The following VEZT variants were observed in gnomAD, a reference collection of about 807,000 sequenced individuals.
VEZT encodes the protein vezatin, adherens junctions transmembrane protein.
A neutral mutation model predicts 79.9 loss-of-function variants in VEZT; 39 were observed. That is an observed-to-expected ratio of 0.49 (90% CI 0.38 to 0.64). The LOEUF (loss-of-function observed/expected upper bound fraction) is 0.64, where lower values mean the gene tolerates loss of function less well. Ranked by LOEUF, VEZT falls within the 30% of genes least tolerant of loss-of-function variation. The probability of loss-of-function intolerance (pLI) is 0.00; values close to 1 mark genes in which losing one functional copy is unlikely to be tolerated. For synonymous variants in VEZT, 325 were observed against 327.6 expected, an observed-to-expected ratio of 0.99 and a Z score of 0.09; for missense variants, 837 against 893.1, an observed-to-expected ratio of 0.94 and a Z score of 0.80.
intron 11 of VEZT, among the ~76,000 whole-genome samples, chr12:95,298,119 C>CAA (rs1434646136): frequency 6.7e-6 from 1 of 149,672 alleles, no homozygotes; most frequent in Non-Finnish European, 1.5e-5. Context: ...GACTCTCTCT[C>CAA]AAAAAATAAT....
intron 1 of VEZT, among the ~76,000 whole-genome samples, chr12:95,221,882 A>T (rs547762794): frequency 3.5e-4 from 54 of 152,224 alleles, no homozygotes; most frequent in South Asian, 1.0e-3. Context: ...TAATACAAAT[A>T]AAAAAACTAT....
chr12:95,297,617 G>A (rs1189162727), intron 11 of VEZT, among the ~76,000 whole-genome samples: 1 of 152,040 alleles, frequency 6.6e-6, no homozygotes, highest in Non-Finnish European at 1.5e-5. Context: ...CTCCAACACT[G>A]CATTGATGAT....
chr12:95,267,222 T>G (rs1278675345), intron 5 of VEZT, among the ~76,000 whole-genome samples: 1 of 152,176 alleles, frequency 6.6e-6, no homozygotes, highest in African/African-American at 2.4e-5. Context: ...AAAGGGAAAG[T>G]TACATTTATT....
At chr12:95,274,520 A>C (rs1291493710) in intron 6 of VEZT, among the ~76,000 whole-genome samples, 2 of 152,148 alleles carry the variant, frequency 1.3e-5, no homozygotes, top group Non-Finnish European at 2.9e-5. Context: ...TTGAACTGTT[A>C]ATTTTTTAGA....
chr12:95,240,071 AG>A, intron 1 of VEZT, among the ~76,000 whole-genome samples: 1 of 82,614 alleles, frequency 1.2e-5, no homozygotes, highest in Non-Finnish European at 2.9e-5. Flanking sequence ...GAAGGAAGGA[AG>A]GAAGAAAAGA....
At chr12:95,276,610 T>C (rs1160693417) in intron 7 of VEZT, among the ~76,000 whole-genome samples, 1 of 152,150 alleles carries the variant, frequency 6.6e-6, no homozygotes, top group Non-Finnish European at 1.5e-5. Flanking sequence ...ATGTCTTAAG[T>C]TCCTACTAAG....
intron 1 of VEZT, among the ~76,000 whole-genome samples, chr12:95,219,789 C>A (rs929858355): frequency 1.3e-5 from 2 of 152,212 alleles, no homozygotes; most frequent in African/African-American, 4.8e-5. Context: ...TCCTCAACAA[C>A]AGCCTTAACA....
intron 11 of VEZT, among the ~76,000 whole-genome samples, chr12:95,297,882 G>T (rs1052545822): frequency 6.6e-6 from 1 of 152,130 alleles, no homozygotes; most frequent in Admixed American, 6.5e-5. Flanking sequence ...CACTTTGGGA[G>T]GCCAAGGCAG....
intron 1 of VEZT, among the ~76,000 whole-genome samples, chr12:95,241,867 C>T (rs2061069004): frequency 6.6e-6 from 1 of 152,052 alleles, no homozygotes; most frequent in South Asian, 2.1e-4. Flanking sequence ...TTCAAATTGA[C>T]AGGTAAGTAG....
At chr12:95,230,504 A>C (rs2059123398) in intron 1 of VEZT, among the ~76,000 whole-genome samples, 1 of 149,838 alleles carries the variant, frequency 6.7e-6, no homozygotes, top group African/African-American at 2.5e-5. Flanking sequence ...TGCAGCCTTG[A>C]ACTCCTAGGC....
chr12:95,259,858 A>C (rs1246857150), intron 3 of VEZT, among the ~76,000 whole-genome samples: 2 of 152,196 alleles, frequency 1.3e-5, no homozygotes, highest in South Asian at 2.1e-4. Context: ...TGTTTTCTGC[A>C]GTTCTTATTT....
At chr12:95,267,916 G>T (rs2065835976) in intron 5 of VEZT, among the ~76,000 whole-genome samples, 1 of 152,104 alleles carries the variant, frequency 6.6e-6, no homozygotes, top group South Asian at 2.1e-4. Flanking sequence ...AGCTACTCGG[G>T]AGGCTGAGGT....
intron 3 of VEZT, among the ~76,000 whole-genome samples, chr12:95,261,271 G>T (rs2064434024): frequency 6.6e-6 from 1 of 152,074 alleles, no homozygotes; most frequent in African/African-American, 2.4e-5. Context: ...TAACTAAGAA[G>T]AGCAAACCTG....
At chr12:95,245,430 T>C in intron 1 of VEZT, 1 of 448,186 alleles carries the variant, frequency 2.2e-6, no homozygotes, top group Non-Finnish European at 4.5e-6. Context: ...TTGATAATGT[T>C]GAAAGCTTGA....
intron 10 of VEZT, among the ~76,000 whole-genome samples, chr12:95,295,402 C>T (rs535190271): frequency 2.4e-4 from 36 of 152,246 alleles, no homozygotes; most frequent in African/African-American, 7.2e-4. Context: ...CCTCGTGATC[C>T]GCCTGCCTCA....
intron 3 of VEZT, chr12:95,262,174 T>C (rs1461915227): frequency 6.6e-6 from 1 of 152,272 alleles, no homozygotes; most frequent in East Asian, 1.9e-4. Flanking sequence ...ATTTTCATAG[T>C]ACTCTAGGTG....
intron 6 of VEZT, among the ~76,000 whole-genome samples, chr12:95,273,380 G>A (rs2067024079): frequency 6.6e-6 from 1 of 152,164 alleles, no homozygotes. Flanking sequence ...CGTATCTCCA[G>A]ATACACATTT....
At chr12:95,294,190 AG>A in intron 9 of VEZT, 81 bp from the exon 10 acceptor site, 1 of 1,190,496 alleles carries the variant, frequency 8.4e-7, no homozygotes, top group Non-Finnish European at 1.2e-6. Flanking sequence ...CCTGGCCCCA[AG>A]GGTGTTTTTA....
chr12:95,274,359 G>C (rs1473365045), intron 6 of VEZT, among the ~76,000 whole-genome samples: 2 of 152,098 alleles, frequency 1.3e-5, no homozygotes, highest in African/African-American at 4.8e-5. Context: ...CCAGCTACTC[G>C]AGAGGCTGAG....
Sources: allele counts gnomAD v4.1 joint callset (sites outside exome capture counted in the v4.1 genomes callset), GRCh38; gene constraint gnomAD v4.1.1; transcripts MANE v1.5; gene names NCBI Gene and HGNC (gene_info 2026-07-23, HGNC 2026-07-21).